Variants in BRSK2 observed in about 807,000 individuals in gnomAD.
BRSK2 encodes the protein serine/threonine-protein kinase BRSK2.
A neutral mutation model predicts 83.3 loss-of-function variants in BRSK2; 19 were observed. The observed-to-expected ratio is 0.23, with a 90% confidence interval of 0.16 to 0.33. BRSK2 has a LOEUF of 0.33. Ranked by LOEUF, BRSK2 falls within the 10% of genes least tolerant of loss-of-function variation. The pLI is 1.00. For synonymous variants in BRSK2, 519 were observed against 435.4 expected (o/e 1.19, Z -2.39); for missense variants, 798 against 1,042.3 (o/e 0.77, Z 3.23).
In BRSK2 at chr11:1,455,975, A is replaced by AC. The variant is rs1228403757; in HGVS notation, c.1669-367dup. Among the ~76,000 whole-genome samples, 24 of 149,860 alleles carry AC rather than the reference A, an allele frequency of 1.6e-4. No homozygotes were observed. In the East Asian group the frequency reaches 3.3e-3, roughly 21 times the overall value. ...CCTCCCTCTCAGTGGCAGCTCCCAGACCCCCCACCTCCCACTCAGCTCCAC... is the reference window on the plus strand; with the variant it reads ...CCTCCCTCTCAGTGGCAGCTCCCAGACCCCCCCACCTCCCACTCAGCTCCAC... On this transcript the variant is annotated intron_variant, in intron 16 of 19. Coordinates refer to ENST00000528841, the MANE Select transcript of BRSK2 (RefSeq NM_001256627.2).
At chr11:1,410,620 C>A in intron 1 of BRSK2, 2 of 985,438 alleles carry the variant, frequency 2.0e-6, no homozygotes, top group East Asian at 1.1e-4. Context: ...AGGGCTCACA[C>A]TGTGTCTTTG....
chr11:1,461,227 C>T lies in BRSK2; in HGVS notation c.*504C>T. 1.6e-6 allele frequency: 1 copy of T among 616,680 alleles called. No homozygotes were observed. Among genetic ancestry groups the T allele is most frequent in the Non-Finnish European group, 2.7e-6 (1 of 367,650 alleles). The allele number at this position is 616,680 out of a possible 1,614,324, so 38.2% of individuals were successfully genotyped here. ...CACCTGACCCCTCAGCAAGAACAGC[C>T]TGCCTGGTGGCCTTCTGGGGCCAGG... On this transcript the variant is annotated 3_prime_UTR_variant, in exon 20 of 20. Transcript: ENST00000528841.
intron 14 of BRSK2, 107 bp downstream of exon 14, chr11:1,450,901 G>A: frequency 2.6e-6 from 3 of 1,139,986 alleles, no homozygotes; most frequent in Admixed American, 3.1e-5. Flanking sequence ...GCCTGTAGCT[G>A]CAGGGGTGGC....
chr11:1,425,794 G>A (rs1849145774), intron 1 of BRSK2, among the ~76,000 whole-genome samples: 1 of 152,214 alleles, frequency 6.6e-6, no homozygotes, highest in Admixed American at 6.5e-5. Flanking sequence ...ACCCGACAGG[G>A]TCCCCAGGTG....
Position 1,454,454 on chromosome 11 carries a change from A to G in BRSK2, c.1545-31A>G, listed in dbSNP as rs778290854. ...GGGGTGTGGACGGTGCCACACCTCA[A>G]TCCTCACAGCCTCTGTCTCCCACTG... On this transcript the variant is annotated intron_variant, in intron 15 of 19. Coordinates refer to ENST00000528841, the MANE Select transcript of BRSK2 (RefSeq NM_001256627.2). This position sits in a 1 kb window ranked among gnomAD's most constrained non-coding sequence, Gnocchi z 5.2. 4 of 1,611,842 alleles carry G rather than the reference A, an allele frequency of 2.5e-6. No homozygotes were observed. The Admixed American group carries it at 5.0e-5, about 20-fold the overall frequency.
At chr11:1,403,252 G>T (rs1846614776) in intron 1 of BRSK2, among the ~76,000 whole-genome samples, 1 of 152,198 alleles carries the variant, frequency 6.6e-6, no homozygotes, top group Admixed American at 6.5e-5. Flanking sequence ...GTCTGCTGGA[G>T]GGAACGTGGC....
rs1281772741 is a variant in BRSK2 at position 1,401,818 on chromosome 11, C to T, written c.91+11443C>T. 3.3e-5 allele frequency among the ~76,000 whole-genome samples: 5 copies of T among 152,364 alleles called. No homozygotes were observed. The East Asian group carries it at 9.7e-4, about 29-fold the overall frequency. On this transcript the variant is annotated intron_variant, in intron 1 of 19. Coordinates refer to ENST00000528841, the MANE Select transcript of BRSK2 (RefSeq NM_001256627.2). ...GCCGTGCTGAAGTCTGCAGCTTCCT[C>T]CTCCCGCGAGGGCGCCTGCCTTGGC...
intron 16 of BRSK2, among the ~76,000 whole-genome samples, chr11:1,455,399 C>G (rs1291791630): frequency 1.3e-5 from 2 of 151,554 alleles, no homozygotes; most frequent in Non-Finnish European, 2.9e-5. Flanking sequence ...TCCCTGGCCC[C>G]AGGGTCTTGG....
chr11:1,393,377 G>A (rs1018347201), intron 1 of BRSK2, among the ~76,000 whole-genome samples: 1 of 152,194 alleles, frequency 6.6e-6, no homozygotes, highest in African/African-American at 2.4e-5. Context: ...CGGGCCCTTG[G>A]AGCTGTTCTT....
rs957687676 is a variant in BRSK2, at chr11:1,460,694, C to T, written c.2182C>T (p.Pro728Ser). 6.7e-6 allele frequency: 10 copies of T among 1,484,536 alleles called. No individual in the cohort carries two copies. The Middle Eastern group carries it at 6.9e-4, about 103-fold the overall frequency. The allele number at this position is 1,484,536 out of a possible 1,614,324, so 92.0% of individuals were successfully genotyped here. A position where few individuals can be genotyped will look rare whatever the true frequency, so the allele number is the denominator to read the frequency against. ...PTGKDTAKMG[P>S]PTARREQP ...GGGCAAGGACACGGCCAAGATGGGC[C>T]CGCCCACCGCCCGCCGCGAGCAGCC... Residue 728 changes from proline (P) to serine (S), a missense_variant, in exon 20 of 20, where the codon CCG becomes TCG. By Grantham distance (74) the Pro-to-Ser change is moderately conservative. Coordinates refer to ENST00000528841, the MANE Select transcript of BRSK2 (RefSeq NM_001256627.2).
At position 1,443,149 on chromosome 11, in the gene BRSK2, C is replaced by T. The variant is rs1271624462; in HGVS notation, c.564+10C>T. The T allele has an allele frequency of 1.4e-5, 22 of 1,537,000 alleles. No homozygotes were observed. Among genetic ancestry groups the T allele is most frequent in the African/African-American group, 8.2e-5 (6 of 72,890 alleles). On this transcript the variant is annotated intron_variant, in intron 6 of 19. Transcript: ENST00000528841. ...CCCCGAGGTGATCCGGGTGAGTCAG[C>T]GCCGCCGCGTGCAGCTCTGTGGGGC... is the stretch of plus-strand genomic sequence containing the variant.
At chr11:1,426,198 C>T (rs1450042799) in intron 1 of BRSK2, among the ~76,000 whole-genome samples, 1 of 151,908 alleles carries the variant, frequency 6.6e-6, no homozygotes, top group Non-Finnish European at 1.5e-5. Context: ...TGGATGGGGG[C>T]CTGGCACACA....
intron 1 of BRSK2, among the ~76,000 whole-genome samples, chr11:1,391,483 C>G (rs769294277): frequency 1.3e-5 from 2 of 152,152 alleles, no homozygotes; most frequent in African/African-American, 4.8e-5. Flanking sequence ...GGGGGAGGGC[C>G]GTGGCTGTGA....
At chr11:1,421,134 TC>T (rs896894399) in intron 1 of BRSK2, among the ~76,000 whole-genome samples, 8 of 152,142 alleles carry the variant, frequency 5.3e-5, no homozygotes, top group East Asian at 1.9e-4. Flanking sequence ...CCTGGTACAG[TC>T]CCAGGCTGTG....
chr11:1,403,621 G>C (rs529312661), intron 1 of BRSK2, among the ~76,000 whole-genome samples: 1 of 152,314 alleles, frequency 6.6e-6, no homozygotes, highest in East Asian at 1.9e-4. Context: ...TGTGTCCTGA[G>C]CTCCCATCAC....
At position 1,436,146 on chromosome 11, in the gene BRSK2, CGGGGAGGGAGGCGGGG is replaced by C; in HGVS notation, c.186+13_186+28del. ...CGGTGCTGATGAAGGTGGGTGGGGC[CGGGGAGGGAGGCGGGG>C]CCGGCGGTGGGGTGGGGCGGGGAAT... On this transcript the variant is annotated intron_variant, in intron 2 of 19. Coordinates refer to ENST00000528841, the MANE Select transcript of BRSK2 (RefSeq NM_001256627.2). 2 of 95,984 alleles carry C rather than the reference CGGGGAGGGAGGCGGGG, an allele frequency of 2.1e-5. No individual in the cohort carries two copies. Among genetic ancestry groups the C allele is most frequent in the Non-Finnish European group, 3.9e-5 (2 of 51,390 alleles). 5.9% of individuals were successfully genotyped at this position (95,984 alleles called of 1,614,324 possible).
At chr11:1,442,629 G>A in intron 5 of BRSK2, 23 bp downstream of exon 5, 1 of 1,573,176 alleles carries the variant, frequency 6.4e-7, no homozygotes, top group Non-Finnish European at 8.7e-7. Context: ...CTGCCCTGGA[G>A]AGAGGCTGGG....
At position 1,454,705 on chromosome 11, in the gene BRSK2, C is replaced by T; in HGVS notation, c.1668+97C>T. 1 of 1,474,130 alleles carries T rather than the reference C, an allele frequency of 6.8e-7. No homozygotes were observed. The highest frequency in any genetic ancestry group is 1.2e-5 in the South Asian group (1 of 82,980). The allele number at this position is 1,474,130 out of a possible 1,614,324, so 91.3% of individuals were successfully genotyped here. A position where few individuals can be genotyped will look rare whatever the true frequency, so the allele number is the denominator to read the frequency against. The stretch of plus-strand genomic sequence containing the variant: ...CCTCCTCACGTAGACAGGACATGTC[C>T]ACGCGCACAGCACGGACGTCCGCTC... On this transcript the variant is annotated intron_variant, in intron 16 of 19. Coordinates refer to ENST00000528841, the MANE Select transcript of BRSK2 (RefSeq NM_001256627.2). The surrounding 1 kb of genome is among the most constrained non-coding windows in gnomAD (Gnocchi z 5.2).
chr11:1,399,974 C>T (rs1000272644), intron 1 of BRSK2, among the ~76,000 whole-genome samples: 15 of 152,198 alleles, frequency 9.9e-5, no homozygotes, highest in Admixed American at 1.3e-4. Context: ...CCCCCACCTC[C>T]GTTACGCAGG....
Sources: allele counts gnomAD v4.1 joint callset (sites outside exome capture counted in the v4.1 genomes callset), GRCh38; gene constraint gnomAD v4.1.1; non-coding constraint Gnocchi (gnomAD v3.1); transcripts MANE v1.5; gene names NCBI Gene and HGNC (gene_info 2026-07-23, HGNC 2026-07-21).